INSL6: variants seen among roughly 807,000 people sequenced by gnomAD.
INSL6 encodes the protein insulin-like peptide INSL6.
In INSL6, 16 loss-of-function variants were observed where a neutral mutation model predicts 9.4. The observed-to-expected ratio is 1.70, with a 90% CI of 1.15 to 2.59. INSL6 has a LOEUF of 2.59. Among genes scored for constraint, INSL6 ranks in the 30% most tolerant of loss-of-function variants. INSL6 has a pLI of 0.00. For missense variants in INSL6, 391 were observed against 257.3 expected, an observed-to-expected ratio of 1.52 and a Z score of -3.56; for synonymous variants, 154 against 96.9, an observed-to-expected ratio of 1.59 and a Z score of -3.46.
At chr9:5,042,685 C>G in the INSL6 span, among the ~76,000 whole-genome samples, 5 of 152,272 alleles carry the variant, frequency 3.3e-5, no homozygotes, top group East Asian at 9.7e-4. Flanking sequence ...GAGGGCAGGC[C>G]TGGCCTGGAG....
At chr9:5,170,870 C>T (rs199784377) in intron 1 of INSL6, among the ~76,000 whole-genome samples, 2 of 151,998 alleles carry the variant, frequency 1.3e-5, no homozygotes, top group African/African-American at 4.8e-5. Flanking sequence ...CCAAAAAAAG[C>T]CCAGGACCAG....
At chr9:5,110,899 T>C in the INSL6 span, 148,885 of 547,914 alleles carry the variant, frequency 0.27, 21,044 homozygotes, top group Admixed American at 0.3. Context: ...AGATGCCCGC[T>C]CTGGCCCCAA....
chr9:5,173,913 G>T (rs954856910), intron 1 of INSL6, among the ~76,000 whole-genome samples: 1 of 152,122 alleles, frequency 6.6e-6, no homozygotes, highest in Non-Finnish European at 1.5e-5. Context: ...TACTTCAGGA[G>T]AAAATTGATG....
the INSL6 span, among the ~76,000 whole-genome samples, chr9:4,997,918 AT>A: frequency 9.8e-3 from 1,486 of 151,410 alleles, 22 homozygotes; most frequent in African/African-American, 0.034. Context: ...TAGGTGCTTA[AT>A]TTTTTTTTAA....
chr9:5,056,616 A>G, the INSL6 span, among the ~76,000 whole-genome samples: 1 of 152,148 alleles, frequency 6.6e-6, no homozygotes, highest in Non-Finnish European at 1.5e-5. Context: ...GGTAAGGATC[A>G]TATTTTTATG....
chr9:5,093,422 C>T, the INSL6 span, among the ~76,000 whole-genome samples: 31 of 152,220 alleles, frequency 2.0e-4, no homozygotes, highest in African/African-American at 7.0e-4. Flanking sequence ...AGAAGAATGG[C>T]CACATGAGGG....
the INSL6 span, among the ~76,000 whole-genome samples, chr9:5,037,991 G>C: frequency 6.6e-6 from 1 of 152,046 alleles, no homozygotes; most frequent in African/African-American, 2.4e-5. Context: ...AATATATAGC[G>C]TCACTAGTTA....
chr9:5,015,296 G>C, the INSL6 span, among the ~76,000 whole-genome samples: 1 of 152,194 alleles, frequency 6.6e-6, no homozygotes, highest in Non-Finnish European at 1.5e-5. Flanking sequence ...TAGAATTGTA[G>C]CAGTTCTCAG....
At chr9:5,016,790 C>CT in the INSL6 span, among the ~76,000 whole-genome samples, 1 of 152,110 alleles carries the variant, frequency 6.6e-6, no homozygotes, top group Admixed American at 6.5e-5. Context: ...ATTATCCTAA[C>CT]TTTTTTTCAC....
intron 3 of INSL6, among the ~76,000 whole-genome samples, chr9:5,125,252 T>C (rs1165877904): frequency 6.6e-6 from 1 of 151,044 alleles, no homozygotes; most frequent in African/African-American, 2.4e-5. Context: ...AAAAGTTCAC[T>C]TATATAAATA....
At chr9:5,009,407 T>G in the INSL6 span, among the ~76,000 whole-genome samples, 1 of 152,030 alleles carries the variant, frequency 6.6e-6, no homozygotes, top group African/African-American at 2.4e-5. Flanking sequence ...CACTATGAAA[T>G]GCCCAGGCTG....
At chr9:5,180,425 A>C (rs1301229128) in intron 1 of INSL6, among the ~76,000 whole-genome samples, 1 of 152,210 alleles carries the variant, frequency 6.6e-6, no homozygotes, top group African/African-American at 2.4e-5. Context: ...TTCTTCTTGC[A>C]GAGAGGCTAT....
the INSL6 span, among the ~76,000 whole-genome samples, chr9:5,003,143 C>T: frequency 6.6e-6 from 1 of 151,784 alleles, no homozygotes; most frequent in African/African-American, 2.4e-5. Context: ...TATGATAAAT[C>T]TTGATGTCTG....
chr9:5,094,515 C>G, the INSL6 span: 1 of 152,146 alleles, frequency 6.6e-6, no homozygotes, highest in Non-Finnish European at 1.5e-5. Flanking sequence ...TCACCCTAGC[C>G]ATTATCCTGC....
the INSL6 span, among the ~76,000 whole-genome samples, chr9:5,061,632 T>C: frequency 6.6e-6 from 1 of 151,684 alleles, no homozygotes; most frequent in Admixed American, 6.6e-5. Context: ...TTATGGCTGG[T>C]TTGATCTTCT....
chr9:5,176,848 G>A (rs1459177011), intron 1 of INSL6, among the ~76,000 whole-genome samples: 2 of 151,932 alleles, frequency 1.3e-5, no homozygotes, highest in Non-Finnish European at 2.9e-5. Context: ...GCTGGATAAA[G>A]ATCAACCTAT....
chr9:5,052,572 G>A, the INSL6 span, among the ~76,000 whole-genome samples: 1 of 151,972 alleles, frequency 6.6e-6, no homozygotes, highest in Non-Finnish European at 1.5e-5. Context: ...GTTGTATAAA[G>A]ATGACCAGAA....
chr9:5,078,381 G>A, the INSL6 span: 1 of 1,612,968 alleles, frequency 6.2e-7, no homozygotes, highest in Non-Finnish European at 8.5e-7. Flanking sequence ...CAGGAAGACA[G>A]GAAATCCTCC....
chr9:5,103,576 A>G, the INSL6 span, among the ~76,000 whole-genome samples: 1 of 152,234 alleles, frequency 6.6e-6, no homozygotes, highest in Non-Finnish European at 1.5e-5. Flanking sequence ...TGAACCTAAT[A>G]GACATCTACA....
Sources: gnomAD v4.1 joint callset for allele counts (sites outside exome capture counted in the v4.1 genomes callset) on GRCh38, gnomAD v4.1.1 for gene constraint, MANE v1.5 for transcripts, NCBI Gene and HGNC (gene_info 2026-07-23, HGNC 2026-07-21) for gene names.